SCHIP1: variants seen among roughly 807,000 people sequenced by gnomAD.
SCHIP1 encodes schwannomin interacting protein 1.
Under a neutral mutation model 29.7 loss-of-function variants are expected in SCHIP1, and 8 were observed. The observed-to-expected ratio is 0.27, with a 90% CI of 0.16 to 0.49. The LOEUF (loss-of-function observed/expected upper bound fraction) is 0.49, where lower values mean the gene tolerates loss of function less well. SCHIP1 is among the 20% of genes least tolerant of loss of function. The pLI, the probability that SCHIP1 is intolerant of heterozygous loss-of-function variation, is 0.99. For missense variants in SCHIP1, 193 were observed against 294.6 expected (o/e 0.66, Z 2.52); for synonymous variants, 76 against 94.9 (o/e 0.80, Z 1.16).
the SCHIP1 span, chr3:159,274,874 T>G: frequency 1.6e-6 from 1 of 619,728 alleles, no homozygotes; most frequent in Non-Finnish European, 2.0e-6. Context: ...TTATAAAATT[T>G]ATTTCCTTTA....
the SCHIP1 span, among the ~76,000 whole-genome samples, chr3:159,726,399 C>T: frequency 6.6e-6 from 1 of 152,166 alleles, no homozygotes; most frequent in Non-Finnish European, 1.5e-5. Context: ...ATGAAGGTAA[C>T]AAGCAGAGCC....
chr3:159,471,090 T>G, the SCHIP1 span, among the ~76,000 whole-genome samples: 4 of 152,230 alleles, frequency 2.6e-5, no homozygotes, highest in Admixed American at 6.6e-5. Context: ...GGGTAAATTT[T>G]ACTGTGTGTG....
the SCHIP1 span, among the ~76,000 whole-genome samples, chr3:159,818,397 T>C: frequency 6.6e-3 from 1,009 of 152,366 alleles, 15 homozygotes; most frequent in African/African-American, 0.023. Context: ...GGAAACCTCC[T>C]GACATTTTGT....
At chr3:159,614,475 C>A in the SCHIP1 span, among the ~76,000 whole-genome samples, 3 of 151,896 alleles carry the variant, frequency 2.0e-5, no homozygotes, top group Non-Finnish European at 4.4e-5. Flanking sequence ...TTTTTCACCC[C>A]GTGTGTGGGT....
chr3:159,307,588 C>T, the SCHIP1 span, among the ~76,000 whole-genome samples: 1 of 152,074 alleles, frequency 6.6e-6, no homozygotes. Flanking sequence ...TTCCACTTGT[C>T]TATTTTTGTT....
the SCHIP1 span, among the ~76,000 whole-genome samples, chr3:159,666,333 A>G: frequency 8.5e-5 from 13 of 152,346 alleles, no homozygotes; most frequent in African/African-American, 2.9e-4. Flanking sequence ...AATACTGTAC[A>G]TTCACTTTTT....
chr3:159,475,142 C>A, the SCHIP1 span, among the ~76,000 whole-genome samples: 1 of 152,116 alleles, frequency 6.6e-6, no homozygotes, highest in Admixed American at 6.6e-5. Flanking sequence ...ATGTTCACAG[C>A]AGCATTACTC....
chr3:159,713,257 AAAGAAAG>A, the SCHIP1 span, among the ~76,000 whole-genome samples: 6 of 150,926 alleles, frequency 4.0e-5, no homozygotes, highest in African/African-American at 7.3e-5. Flanking sequence ...AGAAAGAAAG[AAAGAAAG>A]AAAGAAAGAA....
the SCHIP1 span, among the ~76,000 whole-genome samples, chr3:159,391,348 G>A: frequency 6.6e-6 from 1 of 151,948 alleles, no homozygotes; most frequent in Non-Finnish European, 1.5e-5. Flanking sequence ...GTATTGCAGG[G>A]ACTTAACATA....
At chr3:159,640,962 A>AT in the SCHIP1 span, among the ~76,000 whole-genome samples, 2 of 152,174 alleles carry the variant, frequency 1.3e-5, no homozygotes, top group African/African-American at 4.8e-5. Flanking sequence ...GTGGACACAC[A>AT]TTTTTGACTT....
At chr3:159,351,934 C>T in the SCHIP1 span, among the ~76,000 whole-genome samples, 2 of 152,152 alleles carry the variant, frequency 1.3e-5, no homozygotes, top group Non-Finnish European at 2.9e-5. Context: ...AGATCACCAC[C>T]AGTATATTGG....
At chr3:159,710,914 G>A in the SCHIP1 span, among the ~76,000 whole-genome samples, 3 of 152,124 alleles carry the variant, frequency 2.0e-5, no homozygotes, top group African/African-American at 7.2e-5. Context: ...CCTTCAGGTA[G>A]CCTCTGGCCC....
chr3:159,307,221 A>C, the SCHIP1 span, among the ~76,000 whole-genome samples: 1 of 152,218 alleles, frequency 6.6e-6, no homozygotes, highest in South Asian at 2.1e-4. Context: ...CTTGATTGGG[A>C]ACATGTTAAT....
the SCHIP1 span, among the ~76,000 whole-genome samples, chr3:159,496,957 G>A: frequency 5.3e-5 from 8 of 152,192 alleles, no homozygotes; most frequent in African/African-American, 9.6e-5. Flanking sequence ...CCTTTGTAGC[G>A]ACATGGATGA....
At chr3:159,312,297 A>G in the SCHIP1 span, among the ~76,000 whole-genome samples, 1 of 152,168 alleles carries the variant, frequency 6.6e-6, no homozygotes, top group Non-Finnish European at 1.5e-5. Flanking sequence ...AATGTTCATC[A>G]CAGATTGGTG....
At chr3:159,726,454 G>A in the SCHIP1 span, among the ~76,000 whole-genome samples, 1 of 152,132 alleles carries the variant, frequency 6.6e-6, no homozygotes, top group Non-Finnish European at 1.5e-5. Context: ...AGCTACCTTC[G>A]GGTTTAAGTC....
chr3:159,709,005 A>T, the SCHIP1 span, among the ~76,000 whole-genome samples: 1 of 152,144 alleles, frequency 6.6e-6, no homozygotes. Context: ...AGCCTGGGTC[A>T]TGTGATCCTC....
chr3:159,743,782 A>G, the SCHIP1 span, among the ~76,000 whole-genome samples: 2 of 152,166 alleles, frequency 1.3e-5, no homozygotes, highest in Non-Finnish European at 2.9e-5. Flanking sequence ...CTGGTTTGAT[A>G]CTGTACTGTG....
chr3:159,824,209 A>G, the SCHIP1 span, among the ~76,000 whole-genome samples: 1 of 152,248 alleles, frequency 6.6e-6, no homozygotes, highest in African/African-American at 2.4e-5. Flanking sequence ...ACTTCAAGTG[A>G]AGCTTGACTG....
Sources: allele counts gnomAD v4.1 joint callset (sites outside exome capture counted in the v4.1 genomes callset), GRCh38; gene constraint gnomAD v4.1.1; transcripts MANE v1.5; gene names NCBI Gene and HGNC (gene_info 2026-07-23, HGNC 2026-07-21).